The following DNAJC21 variants were observed in gnomAD, a reference collection of about 807,000 sequenced individuals.
The protein encoded by DNAJC21 is DnaJ heat shock protein family (Hsp40) member C21.
DNAJC21 carries 63 observed loss-of-function variants against 72.4 expected under a neutral mutation model. The observed-to-expected ratio is 0.87, with a 90% CI of 0.71 to 1.07. The LOEUF (loss-of-function observed/expected upper bound fraction) is 1.07. Among genes scored for constraint, DNAJC21 ranks in the 50% least tolerant of loss-of-function variants. The pLI is 0.00. For synonymous variants in DNAJC21, 203 were observed against 216.7 expected (o/e 0.94, Z 0.56); for missense variants, 634 against 644.8 (o/e 0.98, Z 0.18).
rs1313276482 is a variant in DNAJC21 at position 34,955,841 on chromosome 5, C to G, written c.*1127C>G. 1 of 150,848 alleles carries G rather than the reference C, an allele frequency of 6.6e-6. No individual in the cohort carries two copies. Among genetic ancestry groups the G allele is most frequent in the African/African-American group, 2.4e-5 (1 of 41,080 alleles). The allele number at this position is 150,848 out of a possible 1,614,324, so 9.3% of individuals were successfully genotyped here. A position where few individuals can be genotyped will look rare whatever the true frequency, so the allele number is the denominator to read the frequency against. ...GGCCGAGGCGGGCGGATCACGAGGTCAGGAGATCGAGACCATCCCGGCTAA... is the reference window on the plus strand; with the variant it reads ...GGCCGAGGCGGGCGGATCACGAGGTGAGGAGATCGAGACCATCCCGGCTAA... On this transcript the variant is annotated 3_prime_UTR_variant, in exon 12 of 12. Transcript: ENST00000648817.
Position 34,937,537 on chromosome 5 carries a change from T to G in DNAJC21, c.650T>G (p.Val217Gly). 6.2e-7 allele frequency: 1 copy of G among 1,613,802 alleles called. No homozygotes were observed. Among genetic ancestry groups the G allele is most frequent in the South Asian group, 1.1e-5 (1 of 91,070 alleles). ...TTCATTCGTAAAAGAGATAAAAGAG[T>G]GCAGGCGCATCGAAAACTTGTGGAA... is the stretch of plus-strand genomic sequence containing the variant. ...VAFIRKRDKR[V>G]QAHRKLVEEQ... Residue 217 changes from valine to glycine, a missense_variant, in exon 5 of 12, where the codon GTG becomes GGG. Physicochemically the swap from Val to Gly is moderately radical, Grantham distance 109. Coordinates refer to ENST00000648817, the MANE Select transcript of DNAJC21 (RefSeq NM_001012339.3).
At chr5:34,941,310 A>G (rs1038288837) in intron 7 of DNAJC21, 127 bp downstream of exon 7, 5 of 812,988 alleles carry the variant, frequency 6.2e-6, no homozygotes, top group Admixed American at 4.7e-5. Context: ...TGATCCTCCC[A>G]TGTCAGCCTC....
At chr5:34,953,182 C>G (rs1284426935) in intron 10 of DNAJC21, among the ~76,000 whole-genome samples, 1 of 151,966 alleles carries the variant, frequency 6.6e-6, no homozygotes, top group East Asian at 1.9e-4. Flanking sequence ...GGGAACCACA[C>G]TTCATGTCAG....
chr5:34,956,476 C>G lies in DNAJC21; in HGVS notation c.*1762C>G, dbSNP rs777838887. 6.6e-6 allele frequency: 1 copy of G among 152,012 alleles called. No homozygotes were observed. The highest frequency in any genetic ancestry group is 2.4e-5 in the African/African-American group (1 of 41,358). The allele number at this position is 152,012 out of a possible 1,614,324, so 9.4% of individuals were successfully genotyped here. On this transcript the variant is annotated 3_prime_UTR_variant, in exon 12 of 12. Coordinates refer to ENST00000648817, the MANE Select transcript of DNAJC21 (RefSeq NM_001012339.3). ...AGTTTTGTATCTTCTGATCTCGTAC[C>G]CTGAGACTTCATCTGAATGTGCTCT...
At chr5:34,932,381 A>T (rs1448279450) in intron 1 of DNAJC21, among the ~76,000 whole-genome samples, 1 of 150,442 alleles carries the variant, frequency 6.6e-6, no homozygotes, top group Non-Finnish European at 1.5e-5. Context: ...AGATCGCGCC[A>T]CTGCACTCCA....
At chr5:34,930,359 G>C (rs1466599227) in intron 1 of DNAJC21, 2 of 153,112 alleles carry the variant, frequency 1.3e-5, no homozygotes, top group African/African-American at 4.8e-5. Context: ...ACTTCAACCT[G>C]ATGTATGGCT....
chr5:34,942,583 C>T (rs375623169), intron 7 of DNAJC21, among the ~76,000 whole-genome samples: 1 of 152,080 alleles, frequency 6.6e-6, no homozygotes, highest in East Asian at 1.9e-4. Context: ...TTGGAAATGA[C>T]ACACTTAAAG....
rs147400420 is a variant in DNAJC21, at chr5:34,936,155, G to A, written c.327G>A (p.Thr109=). 1.4e-4 allele frequency: 223 copies of A among 1,612,352 alleles called. No individual in the cohort carries two copies. The African/African-American group carries it at 2.0e-3, about 14-fold the overall frequency. Residue 109 remains threonine (T), a synonymous_variant, in exon 4 of 12, where the codon ACG becomes ACA. Transcript: ENST00000648817. The stretch of plus-strand genomic sequence containing the variant: ...TTACTGTTTTTTAGGGATTTTACAC[G>A]GTGTATCGTAATGTTTTTGAAATGA... ...GYGDDEKGFY[T]VYRNVFEMIA... is the part of the protein sequence containing the mutation.
intron 9 of DNAJC21, among the ~76,000 whole-genome samples, chr5:34,947,469 T>A (rs953414361): frequency 6.6e-6 from 1 of 152,212 alleles, no homozygotes; most frequent in Non-Finnish European, 1.5e-5. Flanking sequence ...CTGTTCTTTG[T>A]TAATCACATA....
chr5:34,948,352 G>A (rs1363697790), intron 9 of DNAJC21, among the ~76,000 whole-genome samples: 1 of 152,124 alleles, frequency 6.6e-6, no homozygotes, highest in Non-Finnish European at 1.5e-5. Context: ...CCTGATTTCA[G>A]GGCTGAGACT....
intron 10 of DNAJC21, chr5:34,952,096 A>G: frequency 1.0e-6 from 1 of 984,558 alleles, no homozygotes; most frequent in Non-Finnish European, 1.2e-6. Flanking sequence ...GACACTGGCC[A>G]CCTACTGAGA....
chr5:34,944,114 T>C (rs911680878), intron 7 of DNAJC21, among the ~76,000 whole-genome samples: 6 of 152,350 alleles, frequency 3.9e-5, no homozygotes, highest in East Asian at 1.9e-4. Flanking sequence ...TTGATATAAC[T>C]CTTGTAGCTT....
In DNAJC21 at chr5:34,956,233, T is replaced by C. The variant is rs1014481912; in HGVS notation, c.*1519T>C. 6.6e-6 allele frequency: 1 copy of C among 152,660 alleles called. No individual in the cohort carries two copies. Among genetic ancestry groups the C allele is most frequent in the African/African-American group, 2.4e-5 (1 of 41,454 alleles). 9.5% of individuals were successfully genotyped at this position (152,660 alleles called of 1,614,324 possible). On this transcript the variant is annotated 3_prime_UTR_variant, in exon 12 of 12. Coordinates refer to ENST00000648817, the MANE Select transcript of DNAJC21 (RefSeq NM_001012339.3). Reference sequence around the variant, plus strand: ...TAAAGTCCTTAATGGCAAGGTCTTTTCTGATAGCTTCATGGATAGTATTGA... The same window carrying C: ...TAAAGTCCTTAATGGCAAGGTCTTTCCTGATAGCTTCATGGATAGTATTGA...
intron 7 of DNAJC21, among the ~76,000 whole-genome samples, chr5:34,943,266 T>C (rs980982993): frequency 1.3e-5 from 2 of 152,252 alleles, no homozygotes; most frequent in African/African-American, 4.8e-5. Flanking sequence ...GAACAGCTTG[T>C]GTTGTCTTTT....
At chr5:34,939,978 AG>A (rs1450558321) in intron 6 of DNAJC21, among the ~76,000 whole-genome samples, 1 of 152,260 alleles carries the variant, frequency 6.6e-6, no homozygotes, top group Non-Finnish European at 1.5e-5. Context: ...TACTTTTGAA[AG>A]TACTTTGAAA....
At chr5:34,940,032 C>T (rs1393637366) in intron 6 of DNAJC21, among the ~76,000 whole-genome samples, 1 of 152,112 alleles carries the variant, frequency 6.6e-6, no homozygotes, top group East Asian at 1.9e-4. Flanking sequence ...TAATTTCCAT[C>T]GAGTTTTACA....
In DNAJC21 at chr5:34,958,460, T is replaced by G. The variant is rs1765596428; in HGVS notation, c.*3746T>G. The G allele has an allele frequency of 6.6e-6, 1 of 152,186 alleles. No homozygotes were observed. The highest frequency in any genetic ancestry group is 2.4e-5 in the African/African-American group (1 of 41,442). The allele number at this position is 152,186 out of a possible 1,614,324, so 9.4% of individuals were successfully genotyped here. On this transcript the variant is annotated 3_prime_UTR_variant, in exon 12 of 12. Transcript: ENST00000648817. ...GACCTAAATATGAAGACAAAACTTTTAAATGAGAATCTATAAGGTTATTTT... is the reference window on the plus strand; with the variant it reads ...GACCTAAATATGAAGACAAAACTTTGAAATGAGAATCTATAAGGTTATTTT...
intron 4 of DNAJC21, 40 bp from the exon 5 acceptor site, chr5:34,937,286 T>A: frequency 1.9e-6 from 3 of 1,552,616 alleles, no homozygotes; most frequent in Non-Finnish European, 2.6e-6. Context: ...TAAAAAAAAA[T>A]CTTAAAGCGC....
chr5:34,937,775 A>G (rs2112041126), intron 5 of DNAJC21, 145 bp downstream of exon 5: 2 of 1,022,684 alleles, frequency 2.0e-6, no homozygotes, highest in East Asian at 5.2e-5. Context: ...GGCATTGGAT[A>G]GTGTTTTTTC....
Sources: gnomAD v4.1 joint callset for allele counts (sites outside exome capture counted in the v4.1 genomes callset) on GRCh38, gnomAD v4.1.1 for gene constraint, MANE v1.5 for transcripts, NCBI Gene and HGNC (gene_info 2026-07-23, HGNC 2026-07-21) for gene names.